PTPRO: variants seen among roughly 807,000 people sequenced by gnomAD.
PTPRO encodes protein tyrosine phosphatase receptor type O.
PTPRO carries 62 observed loss-of-function variants against 145.2 expected under a neutral mutation model. The observed-to-expected ratio is 0.43, with a 90% CI of 0.35 to 0.53. The LOEUF is 0.53. Among genes scored for constraint, PTPRO ranks in the 20% least tolerant of loss-of-function variants. The pLI is 0.01. For missense variants in PTPRO, 1,345 were observed against 1,482.7 expected, an observed-to-expected ratio of 0.91 and a Z score of 1.53; for synonymous variants, 565 against 514.7, an observed-to-expected ratio of 1.10 and a Z score of -1.32.
At chr12:15,331,962 C>CTTTTTTTTTTTTTTTT (rs200334215) in intron 1 of PTPRO, among the ~76,000 whole-genome samples, 3 of 118,246 alleles carry the variant, frequency 2.5e-5, no homozygotes, top group Non-Finnish European at 5.3e-5. Flanking sequence ...CTCTTTCTTT[C>CTTTTTTTTTTTTTTTT]TTTTTTTTTT....
intron 12 of PTPRO, among the ~76,000 whole-genome samples, chr12:15,545,968 T>G (rs1943277418): frequency 6.6e-6 from 1 of 151,406 alleles, no homozygotes; most frequent in South Asian, 2.1e-4. Flanking sequence ...TGAGCTGTGT[T>G]CGCACTACTG....
chr12:15,590,796 A>C (rs540273854), intron 25 of PTPRO, among the ~76,000 whole-genome samples: 2 of 152,334 alleles, frequency 1.3e-5, no homozygotes, highest in African/African-American at 4.8e-5. Context: ...CATGCTGCCT[A>C]GTAATTTAGT....
At chr12:15,543,495 A>G (rs1943219381) in intron 12 of PTPRO, among the ~76,000 whole-genome samples, 4 of 152,238 alleles carry the variant, frequency 2.6e-5, no homozygotes, top group South Asian at 2.1e-4. Context: ...AGAAGAGAAC[A>G]TTAAGATACA....
In PTPRO at chr12:15,455,933, C is replaced by T. The variant is rs151264016; in HGVS notation, c.76-28041C>T. Among the ~76,000 whole-genome samples the T allele has an allele frequency of 2.8e-3, 432 of 152,292 alleles. 4 individuals are homozygous for T. The highest frequency in any genetic ancestry group is 0.01 in the Middle Eastern group (3 of 294). ...TGACAGGTTGATGGGTGCAGCAAACCACCATGGTACGTGTATACCTATGTA... is the reference window on the plus strand; with the variant it reads ...TGACAGGTTGATGGGTGCAGCAAACTACCATGGTACGTGTATACCTATGTA... On this transcript the variant is annotated intron_variant, in intron 1 of 26. Transcript: ENST00000281171.
chr12:15,428,137 T>A (rs144374285), intron 1 of PTPRO, among the ~76,000 whole-genome samples: 1 of 152,242 alleles, frequency 6.6e-6, no homozygotes, highest in East Asian at 1.9e-4. Context: ...ACTCTCATGA[T>A]TGCAAAAGCA....
chr12:15,501,292 A>C (rs904228462), intron 4 of PTPRO, among the ~76,000 whole-genome samples: 5 of 152,142 alleles, frequency 3.3e-5, no homozygotes, highest in African/African-American at 1.2e-4. Flanking sequence ...ATTTTTTTGT[A>C]AGTGGAATTA....
chr12:15,524,776 T>C, intron 10 of PTPRO, 38 bp from the exon 11 acceptor site: 1 of 1,581,988 alleles, frequency 6.3e-7, no homozygotes, highest in African/African-American at 1.3e-5. Context: ...TATTTATCCA[T>C]CTATTATACT....
At chr12:15,528,696 T>C (rs1942895766) in intron 12 of PTPRO, among the ~76,000 whole-genome samples, 1 of 151,918 alleles carries the variant, frequency 6.6e-6, no homozygotes, top group African/African-American at 2.4e-5. Context: ...ACCAAACAGA[T>C]ACCACTCAAA....
chr12:15,513,879 T>C (rs1942518668), intron 7 of PTPRO, among the ~76,000 whole-genome samples: 1 of 152,172 alleles, frequency 6.6e-6, no homozygotes, highest in Admixed American at 6.6e-5. Flanking sequence ...GTAAGAATTT[T>C]AATTAAATTA....
chr12:15,551,544 T>G lies in PTPRO; in HGVS notation c.2438-7T>G. 6.2e-7 allele frequency: 1 copy of G among 1,612,978 alleles called. No homozygotes were observed. The highest frequency in any genetic ancestry group is 8.5e-7 in the Non-Finnish European group (1 of 1,179,744). ...CTATGATGAAAATGCACAACTTATC[T>G]CTTTAGTTACAGAGATGAATCCCAA... On this transcript the variant is annotated splice_region_variant and splice_polypyrimidine_tract_variant and intron_variant, in intron 14 of 26. Transcript: ENST00000281171.
rs928459848 is a variant in PTPRO at position 15,546,787 on chromosome 12, T to C, written c.2304+79T>C. 2.3e-5 allele frequency: 36 copies of C among 1,551,528 alleles called. No homozygotes were observed. In the Admixed American group the frequency reaches 4.4e-4, roughly 19 times the overall value. Reference sequence around the variant, plus strand: ...TCTGGGCAAAATAAGAATCTTCTATTTCTTTGAGCTATATAAAATGAAAAC... The same window carrying C: ...TCTGGGCAAAATAAGAATCTTCTATCTCTTTGAGCTATATAAAATGAAAAC... On this transcript the variant is annotated intron_variant, in intron 13 of 26. Transcript: ENST00000281171.
At chr12:15,444,015 C>T (rs982578404) in intron 1 of PTPRO, among the ~76,000 whole-genome samples, 1 of 151,266 alleles carries the variant, frequency 6.6e-6, no homozygotes, top group South Asian at 2.1e-4. Context: ...AAAATTCTAC[C>T]AAAAAGACAC....
At chr12:15,557,828 G>A (rs1381234740) in intron 16 of PTPRO, among the ~76,000 whole-genome samples, 3 of 152,156 alleles carry the variant, frequency 2.0e-5, no homozygotes, top group Non-Finnish European at 2.9e-5. Flanking sequence ...CAGGAGCGCC[G>A]CTGAACAAGT....
intron 11 of PTPRO, among the ~76,000 whole-genome samples, chr12:15,525,382 C>T (rs553360028): frequency 3.3e-5 from 5 of 152,150 alleles, no homozygotes; most frequent in Non-Finnish European, 7.4e-5. Flanking sequence ...GACTAAACTA[C>T]TGTAATAAAG....
intron 12 of PTPRO, among the ~76,000 whole-genome samples, chr12:15,526,781 T>C (rs1393550087): frequency 1.3e-5 from 2 of 152,026 alleles, no homozygotes; most frequent in Admixed American, 6.6e-5. Context: ...CTAAAAGACA[T>C]AATGAAATTA....
intron 1 of PTPRO, among the ~76,000 whole-genome samples, chr12:15,453,193 G>A (rs937684727): frequency 6.6e-6 from 1 of 151,976 alleles, no homozygotes. Flanking sequence ...ATTTCACCAC[G>A]TTGGCCAGGC....
chr12:15,594,612 G>T (rs1591782399), intron 25 of PTPRO, among the ~76,000 whole-genome samples: 1 of 151,290 alleles, frequency 6.6e-6, no homozygotes, highest in African/African-American at 2.4e-5. Context: ...GCTTGATTGT[G>T]GTAATCATTT....
intron 1 of PTPRO, among the ~76,000 whole-genome samples, chr12:15,468,662 G>A (rs200600846): frequency 2.6e-5 from 4 of 152,160 alleles, no homozygotes; most frequent in East Asian, 3.8e-4. Context: ...TTAAAATAAT[G>A]TATTTCCTCT....
intron 17 of PTPRO, among the ~76,000 whole-genome samples, chr12:15,563,154 C>T (rs958446827): frequency 5.9e-5 from 9 of 152,036 alleles, no homozygotes; most frequent in Non-Finnish European, 8.8e-5. Context: ...GGATTTTGAA[C>T]CTTACCTAAT....
Sources: gnomAD v4.1 joint callset for allele counts (sites outside exome capture counted in the v4.1 genomes callset) on GRCh38, gnomAD v4.1.1 for gene constraint, MANE v1.5 for transcripts, NCBI Gene and HGNC (gene_info 2026-07-23, HGNC 2026-07-21) for gene names.